Variants in SCOC observed in about 807,000 individuals in gnomAD.
SCOC encodes the protein short coiled coil protein.
In SCOC, 7 loss-of-function variants were observed where a neutral mutation model predicts 9.9. That is an observed-to-expected ratio of 0.71 (90% CI 0.40 to 1.33). The LOEUF (loss-of-function observed/expected upper bound fraction) is 1.33. Among genes scored for constraint, SCOC ranks in the 40% most tolerant of loss-of-function variants. The pLI is 0.01. For missense variants in SCOC, 66 were observed against 89.7 expected (o/e 0.74, Z 1.07); for synonymous variants, 19 against 28.2 (o/e 0.67, Z 1.03).
At chr4:140,277,232 G>A (rs1013173542) in intron 1 of SCOC, among the ~76,000 whole-genome samples, 1 of 152,020 alleles carries the variant, frequency 6.6e-6, no homozygotes, top group African/African-American at 2.4e-5. Flanking sequence ...AGGCCAAGAG[G>A]GAATAGGCCA....
chr4:140,315,576 T>G (rs1181820277), intron 1 of SCOC, among the ~76,000 whole-genome samples: 1 of 152,162 alleles, frequency 6.6e-6, no homozygotes, highest in Non-Finnish European at 1.5e-5. Context: ...TCCCAGTGAT[T>G]TATTCTATTA....
chr4:140,262,341 G>A (rs570214390), intron 1 of SCOC, among the ~76,000 whole-genome samples: 2 of 152,294 alleles, frequency 1.3e-5, no homozygotes, highest in East Asian at 3.9e-4. Context: ...GAAACATTGT[G>A]GATTCTGATT....
At chr4:140,313,009 G>A (rs961263670) in intron 1 of SCOC, among the ~76,000 whole-genome samples, 1 of 152,152 alleles carries the variant, frequency 6.6e-6, no homozygotes, top group Non-Finnish European at 1.5e-5. Flanking sequence ...TGTTAACTGA[G>A]TAAAAGTGAC....
intron 1 of SCOC, chr4:140,293,254 C>T (rs911078580): frequency 6.6e-6 from 3 of 455,448 alleles, no homozygotes; most frequent in African/African-American, 4.0e-5. Context: ...AACCATACCC[C>T]ACATACCACT....
At chr4:140,313,811 A>C (rs760914054) in intron 1 of SCOC, among the ~76,000 whole-genome samples, 4 of 152,056 alleles carry the variant, frequency 2.6e-5, no homozygotes, top group Admixed American at 6.6e-5. Flanking sequence ...TAAATGATTA[A>C]GAGAATATTT....
At chr4:140,343,526 G>C (rs954686627) in intron 1 of SCOC, 8 of 751,262 alleles carry the variant, frequency 1.1e-5, no homozygotes, top group South Asian at 1.6e-5. Flanking sequence ...GGATCAGATA[G>C]CACCTGCTTG....
At chr4:140,267,801 C>T (rs776112195) in intron 1 of SCOC, among the ~76,000 whole-genome samples, 3 of 152,152 alleles carry the variant, frequency 2.0e-5, no homozygotes, top group African/African-American at 7.2e-5. Flanking sequence ...CCCTGGCTGG[C>T]CTCTCGGCTC....
At chr4:140,339,149 A>G (rs1723820454), upstream of SCOC, among the ~76,000 whole-genome samples, 1 of 152,194 alleles carries the variant, frequency 6.6e-6, no homozygotes, top group Non-Finnish European at 1.5e-5. Context: ...AATGCCACAT[A>G]TCTACAACTA....
upstream of SCOC, among the ~76,000 whole-genome samples, chr4:140,341,110 C>T (rs535474346): frequency 1.3e-5 from 2 of 152,062 alleles, no homozygotes; most frequent in South Asian, 4.1e-4. Context: ...TTTTCATTCC[C>T]CCATCCATTA....
At chr4:140,258,892 G>A (rs1424077941) in intron 1 of SCOC, among the ~76,000 whole-genome samples, 5 of 152,088 alleles carry the variant, frequency 3.3e-5, no homozygotes, top group African/African-American at 1.2e-4. Context: ...TCCATGAATG[G>A]CTTCTTGCTG....
chr4:140,362,273 C>CTG, intron 2 of SCOC, among the ~76,000 whole-genome samples: 1 of 29,092 alleles, frequency 3.4e-5, no homozygotes, highest in Non-Finnish European at 7.6e-5. Flanking sequence ...ACAGGTGTGT[C>CTG]CTTACTTCTT....
intron 1 of SCOC, among the ~76,000 whole-genome samples, chr4:140,301,827 A>ATTGT (rs879439447): frequency 2.0e-5 from 3 of 152,072 alleles, no homozygotes; most frequent in South Asian, 2.1e-4. Context: ...TATTCTTTTT[A>ATTGT]TTGTTTGTTT....
At chr4:140,320,520 G>A (rs1029848104) in intron 1 of SCOC, among the ~76,000 whole-genome samples, 2 of 151,898 alleles carry the variant, frequency 1.3e-5, no homozygotes, top group South Asian at 2.1e-4. Context: ...ACCAGTTTCC[G>A]GTAACACTAG....
At chr4:140,327,112 CT>C (rs1032729278) in intron 1 of SCOC, among the ~76,000 whole-genome samples, 6 of 152,184 alleles carry the variant, frequency 3.9e-5, no homozygotes, top group Admixed American at 2.6e-4. Flanking sequence ...CTGTTCCCAC[CT>C]GCATCTAACC....
At chr4:140,308,879 C>CT (rs886830867) in intron 1 of SCOC, among the ~76,000 whole-genome samples, 4 of 152,106 alleles carry the variant, frequency 2.6e-5, no homozygotes, top group African/African-American at 9.7e-5. Context: ...GAGATGCCCT[C>CT]TTTTTTCCCC....
At chr4:140,329,431 A>G (rs1732743596) in intron 1 of SCOC, among the ~76,000 whole-genome samples, 1 of 152,220 alleles carries the variant, frequency 6.6e-6, no homozygotes, top group African/African-American at 2.4e-5. Context: ...AAATGCAACA[A>G]AAACAAAAAC....
At chr4:140,320,844 C>A (rs1732480088) in intron 1 of SCOC, among the ~76,000 whole-genome samples, 1 of 152,118 alleles carries the variant, frequency 6.6e-6, no homozygotes, top group African/African-American at 2.4e-5. Context: ...GGGGGCAGGG[C>A]AGGAATATTT....
intron 2 of SCOC, among the ~76,000 whole-genome samples, chr4:140,355,209 TTTTATATATATATATATATATATA>T (rs1228634916): frequency 0.01 from 106 of 10,210 alleles, 2 homozygotes; most frequent in African/African-American, 0.039. Flanking sequence ...TACATTATAT[TTTTATATATATATATATATATATA>T]TATATATATA....
chr4:140,265,969 G>A (rs1252026240), intron 1 of SCOC, among the ~76,000 whole-genome samples: 1 of 152,130 alleles, frequency 6.6e-6, no homozygotes, highest in Non-Finnish European at 1.5e-5. Flanking sequence ...GACCTACTTT[G>A]GCAGAGGTGC....
Sources: allele counts gnomAD v4.1 joint callset (sites outside exome capture counted in the v4.1 genomes callset), GRCh38; gene constraint gnomAD v4.1.1; transcripts MANE v1.5; gene names NCBI Gene and HGNC (gene_info 2026-07-23, HGNC 2026-07-21).